SAMD12: variants seen among roughly 807,000 people sequenced by gnomAD.
SAMD12 encodes sterile alpha motif domain containing 12.
In SAMD12, 9 loss-of-function variants were observed where a neutral mutation model predicts 15.0. That is an observed-to-expected ratio of 0.60 (90% CI 0.36 to 1.05). The LOEUF is 1.05. Ranked by LOEUF, SAMD12 falls within the 50% of genes least tolerant of loss-of-function variation. The probability of loss-of-function intolerance (pLI) is 0.01; values close to 1 mark genes in which losing one functional copy is unlikely to be tolerated. For synonymous variants in SAMD12, 86 were observed against 90.1 expected, an observed-to-expected ratio of 0.96 and a Z score of 0.25; for missense variants, 230 against 234.2, an observed-to-expected ratio of 0.98 and a Z score of 0.12.
intron 4 of SAMD12, among the ~76,000 whole-genome samples, chr8:118,356,301 G>A (rs1033516718): frequency 6.6e-6 from 1 of 152,198 alleles, no homozygotes; most frequent in African/African-American, 2.4e-5. Flanking sequence ...GCCACTCTGT[G>A]ATAGTTTATT....
At chr8:118,407,081 A>G (rs1223108748) in intron 3 of SAMD12, among the ~76,000 whole-genome samples, 1 of 152,154 alleles carries the variant, frequency 6.6e-6, no homozygotes, top group Non-Finnish European at 1.5e-5. Context: ...CCCCAAAACT[A>G]TTGAAATAAA....
the SAMD12 span, among the ~76,000 whole-genome samples, chr8:118,162,109 G>A: frequency 4.0e-5 from 6 of 150,520 alleles, no homozygotes; most frequent in Non-Finnish European, 8.9e-5. Context: ...TCAGTGAGCC[G>A]AGATCACGCC....
exon 5 of SAMD12, chr8:118,192,617 AC>A (rs1208738992): frequency 6.6e-6 from 1 of 151,528 alleles, no homozygotes; most frequent in African/African-American, 2.4e-5. Context: ...CAAATAACCA[AC>A]CAACCAAACA....
intron 3 of SAMD12, among the ~76,000 whole-genome samples, chr8:118,392,727 G>A (rs1820351775): frequency 6.6e-6 from 1 of 152,176 alleles, no homozygotes; most frequent in East Asian, 1.9e-4. Flanking sequence ...ATCTAGAACA[G>A]GGGATTACTG....
intron 2 of SAMD12, among the ~76,000 whole-genome samples, chr8:118,524,218 C>A (rs1455894213): frequency 1.3e-5 from 2 of 152,136 alleles, no homozygotes; most frequent in Non-Finnish European, 2.9e-5. Flanking sequence ...CCCTTGACCA[C>A]TCCACTGAGA....
In SAMD12 at chr8:118,477,713, G is replaced by A. The variant is rs559570422; in HGVS notation, c.193-37752C>T. On this transcript the variant is annotated intron_variant, in intron 2 of 3. Coordinates refer to ENST00000314727, the MANE Select transcript of SAMD12 (RefSeq NM_207506.3). ...TTCTACAATACTGGCTGTGGGGACC[G>A]AAAATTCTGACAGGGAACTGGCCGG... is the stretch of plus-strand genomic sequence containing the variant. 1.9e-4 allele frequency among the ~76,000 whole-genome samples: 29 copies of A among 152,152 alleles called. No homozygotes were observed. The East Asian group carries it at 4.7e-3, about 24-fold the overall frequency.
chr8:118,142,256 T>G, the SAMD12 span, among the ~76,000 whole-genome samples: 1 of 152,246 alleles, frequency 6.6e-6, no homozygotes, highest in African/African-American at 2.4e-5. Context: ...TAAACCGAAA[T>G]GACATTAACC....
At chr8:118,421,615 G>A (rs1281468852) in intron 3 of SAMD12, among the ~76,000 whole-genome samples, 4 of 152,148 alleles carry the variant, frequency 2.6e-5, no homozygotes, top group Non-Finnish European at 4.4e-5. Context: ...TGTAACACAG[G>A]GAAATCTGCA....
rs560291638 is a variant in SAMD12 at position 118,402,346 on chromosome 8, C to T, written c.323-22646G>A. Among the ~76,000 whole-genome samples, 11 of 152,184 alleles carry T rather than the reference C, an allele frequency of 7.2e-5. No individual in the cohort carries two copies. The East Asian group carries it at 1.9e-3, about 27-fold the overall frequency. ...AAAAGAACATTTAAGGAGCAGAGCC[C>T]TTAATAAAAGGCAAGATCGAAGTAT... is the stretch of plus-strand genomic sequence containing the variant. On this transcript the variant is annotated intron_variant, in intron 3 of 3. Transcript: ENST00000314727.
At chr8:118,537,177 G>A (rs898215398) in intron 2 of SAMD12, among the ~76,000 whole-genome samples, 1 of 151,936 alleles carries the variant, frequency 6.6e-6, no homozygotes, top group Non-Finnish European at 1.5e-5. Context: ...TATATTATTT[G>A]TTTCTTTTCT....
chr8:118,371,961 C>A (rs940018468), intron 4 of SAMD12, among the ~76,000 whole-genome samples: 1 of 152,076 alleles, frequency 6.6e-6, no homozygotes, highest in Non-Finnish European at 1.5e-5. Flanking sequence ...AACATGTGAG[C>A]ACCAAGGCAA....
At chr8:118,596,257 T>C (rs1827722088) in intron 1 of SAMD12, among the ~76,000 whole-genome samples, 1 of 152,116 alleles carries the variant, frequency 6.6e-6, no homozygotes, top group Non-Finnish European at 1.5e-5. Flanking sequence ...CAACAGCCAA[T>C]ACACCTGCCA....
intron 2 of SAMD12, among the ~76,000 whole-genome samples, chr8:118,572,662 C>T (rs570668341): frequency 6.6e-6 from 1 of 152,276 alleles, no homozygotes; most frequent in Admixed American, 6.5e-5. Context: ...GTAAGACATG[C>T]CTTGCTCCTC....
rs1823130285 is a variant in SAMD12, at chr8:118,453,048, T to C, written c.193-13087A>G. On this transcript the variant is annotated intron_variant, in intron 2 of 3. Coordinates refer to ENST00000314727, the MANE Select transcript of SAMD12 (RefSeq NM_207506.3). ...TAATTTTAGTTCATCTATTATTTTTTAACCTTAAATGATGTATTTAAATCT... is the reference window on the plus strand; with the variant it reads ...TAATTTTAGTTCATCTATTATTTTTCAACCTTAAATGATGTATTTAAATCT... Among the ~76,000 whole-genome samples the C allele has an allele frequency of 3.9e-5, 6 of 152,242 alleles. No individual in the cohort carries two copies. In the South Asian group the frequency reaches 1.2e-3, roughly 31 times the overall value.
chr8:118,483,658 A>C (rs1230747167), intron 2 of SAMD12, among the ~76,000 whole-genome samples: 2 of 152,222 alleles, frequency 1.3e-5, no homozygotes, highest in African/African-American at 4.8e-5. Context: ...CTTTTATATA[A>C]TCGAAAAATT....
intron 2 of SAMD12, among the ~76,000 whole-genome samples, chr8:118,551,223 A>AT (rs1826323036): frequency 6.6e-6 from 1 of 152,166 alleles, no homozygotes; most frequent in Admixed American, 6.6e-5. Context: ...GAGAATATAC[A>AT]TTTTTTTCAG....
At chr8:118,323,842 A>ACAACACAAC (rs372950064) in intron 4 of SAMD12, among the ~76,000 whole-genome samples, 83 of 152,298 alleles carry the variant, frequency 5.4e-4, no homozygotes, top group African/African-American at 2.0e-3. Context: ...AAAAATCTGT[A>ACAACACAAC]CAACACAACA....
At chr8:118,550,507 C>G (rs991629084) in intron 2 of SAMD12, among the ~76,000 whole-genome samples, 8 of 152,088 alleles carry the variant, frequency 5.3e-5, no homozygotes, top group Non-Finnish European at 1.2e-4. Context: ...CAGGCCTGCC[C>G]TAAAAGAGCT....
intron 4 of SAMD12, among the ~76,000 whole-genome samples, chr8:118,350,666 AAT>A (rs1300622838): frequency 6.6e-6 from 1 of 152,204 alleles, no homozygotes; most frequent in East Asian, 1.9e-4. Context: ...GTGTTGGACA[AAT>A]GTCTATTAAG....
Sources: allele counts gnomAD v4.1 joint callset (sites outside exome capture counted in the v4.1 genomes callset), GRCh38; gene constraint gnomAD v4.1.1; transcripts MANE v1.5; gene names NCBI Gene and HGNC (gene_info 2026-07-23, HGNC 2026-07-21).